PTPRD: variants seen among roughly 807,000 people sequenced by gnomAD.
PTPRD encodes the protein receptor-type tyrosine-protein phosphatase delta.
In PTPRD, 34 loss-of-function variants were observed where a neutral mutation model predicts 214.5. The ratio of observed to expected loss-of-function variants is 0.16; its 90% CI spans 0.12 to 0.21. The LOEUF is 0.21. Among genes scored for constraint, PTPRD ranks in the 10% least tolerant of loss-of-function variants. PTPRD has a pLI of 1.00. For missense variants in PTPRD, 2,545 were observed against 2,398.7 expected, an observed-to-expected ratio of 1.06 and a Z score of -1.27; for synonymous variants, 1,128 against 845.7, an observed-to-expected ratio of 1.33 and a Z score of -5.79.
chr9:10,490,076 A>G (rs907438421), intron 2 of PTPRD, among the ~76,000 whole-genome samples: 1 of 152,162 alleles, frequency 6.6e-6, no homozygotes, highest in Non-Finnish European at 1.5e-5. Flanking sequence ...AGAGACTCCC[A>G]TTCTCCCATC....
At position 9,321,793 on chromosome 9, in the gene PTPRD, T is replaced by C. The variant is rs1569567343; in HGVS notation, c.-203+75656A>G. Among the ~76,000 whole-genome samples the C allele has an allele frequency of 2.6e-5, 4 of 152,284 alleles. No homozygotes were observed. The East Asian group carries it at 5.8e-4, about 22-fold the overall frequency. On this transcript the variant is annotated intron_variant, in intron 9 of 45. Transcript: ENST00000381196. ...GAGTTGTAGCAGGGTCTATGTCATATGGTTGTTGAGAGGATTAAATGAGAT... is the reference window on the plus strand; with the variant it reads ...GAGTTGTAGCAGGGTCTATGTCATACGGTTGTTGAGAGGATTAAATGAGAT...
intron 32 of PTPRD, among the ~76,000 whole-genome samples, chr9:8,462,722 A>G (rs1167252370): frequency 1.3e-5 from 2 of 151,976 alleles, no homozygotes; most frequent in Non-Finnish European, 2.9e-5. Context: ...ATTGACTGGC[A>G]GTGATCGGTC....
intron 45 of PTPRD, among the ~76,000 whole-genome samples, chr9:8,318,313 T>G (rs1823551400): frequency 6.6e-6 from 1 of 152,082 alleles, no homozygotes; most frequent in Non-Finnish European, 1.5e-5. Context: ...CCTTTACAAT[T>G]ATCTGCTTAT....
chr9:10,380,016 GT>G (rs2097789961), intron 2 of PTPRD, among the ~76,000 whole-genome samples: 1 of 151,966 alleles, frequency 6.6e-6, no homozygotes, highest in South Asian at 2.1e-4. Flanking sequence ...CTAGAATGCG[GT>G]GGCACAAGCA....
At chr9:10,486,028 TG>T (rs1368231456) in intron 2 of PTPRD, among the ~76,000 whole-genome samples, 1 of 126,118 alleles carries the variant, frequency 7.9e-6, no homozygotes, top group Non-Finnish European at 1.8e-5. Context: ...CACTTTTTGA[TG>T]TTTTTTTTTT....
At chr9:8,456,734 T>A (rs895349511) in intron 33 of PTPRD, among the ~76,000 whole-genome samples, 3 of 152,084 alleles carry the variant, frequency 2.0e-5, no homozygotes, top group Non-Finnish European at 2.9e-5. Context: ...AGCTCATGGT[T>A]TCCACATCCT....
intron 9 of PTPRD, among the ~76,000 whole-genome samples, chr9:9,343,761 G>T (rs1248739599): frequency 6.6e-6 from 1 of 151,798 alleles, no homozygotes; most frequent in East Asian, 1.9e-4. Context: ...TTTCCACAGT[G>T]AAATGAAGTG....
At chr9:9,647,552 T>G (rs2096226491) in intron 7 of PTPRD, among the ~76,000 whole-genome samples, 1 of 152,158 alleles carries the variant, frequency 6.6e-6, no homozygotes, top group Non-Finnish European at 1.5e-5. Context: ...CACCTTACAT[T>G]TATCTTTTCC....
intron 4 of PTPRD, among the ~76,000 whole-genome samples, chr9:10,031,687 C>T (rs2097081402): frequency 7.0e-6 from 1 of 143,062 alleles, no homozygotes; most frequent in Non-Finnish European, 1.5e-5. Flanking sequence ...CACACATATC[C>T]TATTAGTTCT....
At chr9:8,904,459 G>T (rs533543447) in intron 11 of PTPRD, among the ~76,000 whole-genome samples, 2 of 152,046 alleles carry the variant, frequency 1.3e-5, no homozygotes, top group Non-Finnish European at 2.9e-5. Context: ...ATCACCTAAG[G>T]TCAGGAGTTC....
chr9:9,610,416 G>A (rs2094455637), intron 7 of PTPRD, among the ~76,000 whole-genome samples: 1 of 152,084 alleles, frequency 6.6e-6, no homozygotes, highest in Non-Finnish European at 1.5e-5. Flanking sequence ...TAATATCAAC[G>A]GATTGATAAT....
intron 2 of PTPRD, among the ~76,000 whole-genome samples, chr9:10,422,116 A>C (rs958436502): frequency 6.6e-6 from 1 of 152,040 alleles, no homozygotes; most frequent in South Asian, 2.1e-4. Flanking sequence ...AACAAGATAT[A>C]GACCAATGGA....
intron 9 of PTPRD, among the ~76,000 whole-genome samples, chr9:9,265,768 CAAAAGGAAAGACA>C: frequency 6.7e-6 from 1 of 150,018 alleles, no homozygotes; most frequent in Non-Finnish European, 1.5e-5. Flanking sequence ...ATTATCTAAT[CAAAAGGAAAGACA>C]ACAACAACAA....
intron 11 of PTPRD, among the ~76,000 whole-genome samples, chr9:8,852,634 T>G (rs2097843004): frequency 6.6e-6 from 1 of 152,210 alleles, no homozygotes; most frequent in African/African-American, 2.4e-5. Context: ...ACCTACTAGC[T>G]TACAGACAGA....
chr9:8,492,118 T>A (rs2097162364), intron 27 of PTPRD, among the ~76,000 whole-genome samples: 1 of 152,232 alleles, frequency 6.6e-6, no homozygotes, highest in Admixed American at 6.5e-5. Flanking sequence ...TTAGCCTTCT[T>A]GCTTTTCTTC....
At chr9:9,545,387 T>C (rs978365846) in intron 8 of PTPRD, among the ~76,000 whole-genome samples, 2 of 151,894 alleles carry the variant, frequency 1.3e-5, no homozygotes, top group African/African-American at 2.4e-5. Context: ...TGTCATATAG[T>C]TTGAATCATA....
chr9:9,275,217 A>ATATATATAT (rs1353911020), intron 9 of PTPRD, among the ~76,000 whole-genome samples: 2 of 97,766 alleles, frequency 2.0e-5, no homozygotes, highest in African/African-American at 8.2e-5. Context: ...ATATATATAT[A>ATATATATAT]ACCATTAGCA....
intron 12 of PTPRD, among the ~76,000 whole-genome samples, chr9:8,727,261 G>T (rs149261587): frequency 9.5e-4 from 145 of 152,300 alleles, no homozygotes; most frequent in African/African-American, 3.3e-3. Context: ...AAAATGCTTT[G>T]AAATGTACAC....
At chr9:9,611,103 C>G (rs1374953231) in intron 7 of PTPRD, among the ~76,000 whole-genome samples, 2 of 152,126 alleles carry the variant, frequency 1.3e-5, no homozygotes, top group African/African-American at 4.8e-5. Flanking sequence ...TGTACAAATA[C>G]AATACCTTTT....
Sources: allele counts gnomAD v4.1 joint callset (sites outside exome capture counted in the v4.1 genomes callset), GRCh38; gene constraint gnomAD v4.1.1; transcripts MANE v1.5; gene names NCBI Gene and HGNC (gene_info 2026-07-23, HGNC 2026-07-21).